Variants in RGSL1 observed in about 807,000 individuals in gnomAD.
RGSL1 encodes regulator of G protein signaling protein-like.
RGSL1 carries 97 observed loss-of-function variants against 124.7 expected under a neutral mutation model. The ratio of observed to expected loss-of-function variants is 0.78; its 90% CI spans 0.66 to 0.92. The LOEUF (loss-of-function observed/expected upper bound fraction) is 0.92, where lower values mean the gene tolerates loss of function less well. Ranked by LOEUF, RGSL1 falls within the 40% of genes least tolerant of loss-of-function variation. The probability of loss-of-function intolerance (pLI) is 0.00; values close to 1 mark genes in which losing one functional copy is unlikely to be tolerated. For missense variants in RGSL1, 1,233 were observed against 1,288.4 expected, an observed-to-expected ratio of 0.96 and a Z score of 0.66; for synonymous variants, 424 against 438.1, an observed-to-expected ratio of 0.97 and a Z score of 0.40.
At position 182,548,276 on chromosome 1, in the gene RGSL1, A is replaced by G. The variant is rs1261981370; in HGVS notation, c.2670-41A>G. On this transcript the variant is annotated intron_variant, in intron 15 of 21. Transcript: ENST00000294854. Reference sequence around the variant, plus strand: ...GGGTGCCTTGTTAGTCACTGTTTTCATCTTCTCCTCCTGATTTCCTACTTC... The same window carrying G: ...GGGTGCCTTGTTAGTCACTGTTTTCGTCTTCTCCTCCTGATTTCCTACTTC... 7 of 1,550,578 alleles carry G rather than the reference A, an allele frequency of 4.5e-6. No homozygotes were observed. The South Asian group carries it at 6.0e-5, about 13-fold the overall frequency.
intron 4 of RGSL1, among the ~76,000 whole-genome samples, chr1:182,464,463 C>T (rs2102008969): frequency 6.6e-6 from 1 of 152,280 alleles, no homozygotes; most frequent in South Asian, 2.1e-4. Context: ...GTGGCTCACG[C>T]CTGTAATCCC....
chr1:182,522,001 TA>T lies in RGSL1; in HGVS notation c.1826-2del. ...TTCTCCAACTTAGTGATTTTTTTTT[TA>T]GATTTTAAAATGGAAATTATCAAGG... On this transcript the variant is annotated splice_acceptor_variant, in intron 9 of 21. Coordinates refer to ENST00000294854, the MANE Select transcript of RGSL1 (RefSeq NM_001137669.2). LOFTEE classifies it high-confidence loss of function. 6.6e-7 allele frequency: 1 copy of T among 1,518,596 alleles called. No homozygotes were observed. The highest frequency in any genetic ancestry group is 2.2e-5 in the Admixed American group (1 of 45,656). The allele number at this position is 1,518,596 out of a possible 1,614,324, so 94.1% of individuals were successfully genotyped here.
chr1:182,484,530 A>G lies in RGSL1; in HGVS notation c.1432-3755A>G, dbSNP rs149773965. Among the ~76,000 whole-genome samples, 47 of 152,260 alleles carry G rather than the reference A, an allele frequency of 3.1e-4. 1 individual carries two copies. The East Asian group carries it at 8.5e-3, about 28-fold the overall frequency. On this transcript the variant is annotated intron_variant, in intron 6 of 21. Transcript: ENST00000294854. ...ATGGAGCAGTTCCACCAATGCATCA[A>G]TTTCCCAGGAAGGCGTGTGAAGCTT...
intron 2 of RGSL1, among the ~76,000 whole-genome samples, chr1:182,454,573 T>C (rs1652126281): frequency 1.4e-5 from 2 of 146,180 alleles, no homozygotes; most frequent in Middle Eastern, 3.4e-3. Context: ...ACTTTGCAAC[T>C]CTCTTGAGTT....
chr1:182,485,712 C>G (rs1390149596), intron 6 of RGSL1, among the ~76,000 whole-genome samples: 1 of 152,132 alleles, frequency 6.6e-6, no homozygotes, highest in Non-Finnish European at 1.5e-5. Flanking sequence ...CCTGCTCAGT[C>G]TATTGCAAGG....
intron 10 of RGSL1, among the ~76,000 whole-genome samples, chr1:182,524,366 A>T (rs1658582909): frequency 1.3e-5 from 2 of 152,176 alleles, no homozygotes; most frequent in Admixed American, 6.5e-5. Flanking sequence ...TTGTTCAGGC[A>T]AATGATAAAG....
At chr1:182,472,883 T>C (rs1330610325) in intron 5 of RGSL1, among the ~76,000 whole-genome samples, 4 of 152,194 alleles carry the variant, frequency 2.6e-5, no homozygotes, top group African/African-American at 9.7e-5. Context: ...TTAATTGGGA[T>C]TCTCTAGAAC....
intron 1 of RGSL1, among the ~76,000 whole-genome samples, chr1:182,452,650 A>T (rs1459032002): frequency 6.6e-6 from 1 of 151,964 alleles, no homozygotes; most frequent in East Asian, 1.9e-4. Context: ...ACAGGGTTTC[A>T]TCATGTTGGT....
chr1:182,461,313 G>GTAATAATAA (rs35515032), intron 4 of RGSL1, among the ~76,000 whole-genome samples: 5 of 150,502 alleles, frequency 3.3e-5, no homozygotes, highest in African/African-American at 7.3e-5. Flanking sequence ...ATATCCTACA[G>GTAATAATAA]TAATAATAAT....
chr1:182,522,701 A>G (rs936451235), intron 10 of RGSL1, among the ~76,000 whole-genome samples: 25 of 152,320 alleles, frequency 1.6e-4, no homozygotes, highest in Admixed American at 1.4e-3. Flanking sequence ...TCCAAATATT[A>G]TGTTTGCTAT....
At chr1:182,557,699 G>A (rs565731946) in intron 21 of RGSL1, among the ~76,000 whole-genome samples, 24 of 152,222 alleles carry the variant, frequency 1.6e-4, no homozygotes, top group African/African-American at 5.8e-4. Context: ...GTGTAGGTAT[G>A]CAAACACACA....
upstream of RGSL1, chr1:182,448,404 A>T (rs1329079231): frequency 1.3e-5 from 2 of 152,020 alleles, no homozygotes; most frequent in Non-Finnish European, 2.9e-5. Flanking sequence ...TTGTATTTTT[A>T]GTAGAGAAGG....
intron 14 of RGSL1, among the ~76,000 whole-genome samples, chr1:182,533,890 G>T (rs1449711253): frequency 6.6e-6 from 1 of 152,204 alleles, no homozygotes; most frequent in East Asian, 1.9e-4. Context: ...AAATGACCAA[G>T]TTAGGTAGGT....
chr1:182,460,695 G>C (rs992979703), intron 4 of RGSL1: 1 of 456,020 alleles, frequency 2.2e-6, no homozygotes, highest in Non-Finnish European at 4.4e-6. Context: ...TGATGAAATA[G>C]GAAGCACTAG....
chr1:182,455,590 A>T (rs1652250452), intron 2 of RGSL1, among the ~76,000 whole-genome samples: 1 of 116,798 alleles, frequency 8.6e-6, no homozygotes, highest in African/African-American at 2.8e-5. Flanking sequence ...TCAAAAAGAA[A>T]GAAAAAAAAA....
Position 182,495,461 on chromosome 1 carries a change from T to G in RGSL1, c.1825+2332T>G, listed in dbSNP as rs74572177. Among the ~76,000 whole-genome samples the G allele has an allele frequency of 7.5e-3, 1,149 of 152,294 alleles. 15 individuals carry two copies. Among genetic ancestry groups the G allele is most frequent in the Middle Eastern group, 0.037 (11 of 294 alleles). On this transcript the variant is annotated intron_variant, in intron 9 of 21. Coordinates refer to ENST00000294854, the MANE Select transcript of RGSL1 (RefSeq NM_001137669.2). The stretch of plus-strand genomic sequence containing the variant: ...TCCACATGTGTATATTCTCAGACCA[T>G]TTTGTCCCCAGTATTCTAATCTTTC...
intron 9 of RGSL1, among the ~76,000 whole-genome samples, chr1:182,519,757 CCT>C (rs1658188090): frequency 6.6e-6 from 1 of 151,740 alleles, no homozygotes; most frequent in Non-Finnish European, 1.5e-5. Context: ...CATTTTTCCC[CCT>C]CTGTGTGTTT....
intron 9 of RGSL1, 74 bp from the exon 10 acceptor site, chr1:182,521,930 A>G: frequency 9.8e-7 from 1 of 1,019,356 alleles, no homozygotes; most frequent in South Asian, 1.5e-5. Flanking sequence ...TATGTCTGAA[A>G]AATATCCTTG....
chr1:182,474,494 TG>T lies in RGSL1; in HGVS notation c.1387del (p.Asp463MetfsTer2). 6.4e-7 allele frequency: 1 copy of T among 1,550,560 alleles called. No homozygotes were observed. On this transcript the variant is annotated frameshift_variant, in exon 6 of 22. Coordinates refer to ENST00000294854, the MANE Select transcript of RGSL1 (RefSeq NM_001137669.2). LOFTEE classifies it high-confidence loss of function. ...AGGGCCTGAAGGAACTATTGCCCTC[TG>T]GGGATGTGATCCCCTGGATTCCCAA... ...IQGLKELLPS[G>X]DVIPWIPKAQ...
Sources: allele counts gnomAD v4.1 joint callset (sites outside exome capture counted in the v4.1 genomes callset), GRCh38; gene constraint gnomAD v4.1.1; transcripts MANE v1.5; gene names NCBI Gene and HGNC (gene_info 2026-07-23, HGNC 2026-07-21).